HDAC9: variants seen among roughly 807,000 people sequenced by gnomAD.
The protein encoded by HDAC9 is MEF-2 interacting transcription repressor (MITR) protein.
HDAC9 carries 41 observed loss-of-function variants against 139.4 expected under a neutral mutation model. That is an observed-to-expected ratio of 0.29 (90% CI 0.23 to 0.38). HDAC9 has a LOEUF of 0.38. HDAC9 is among the 10% of genes least tolerant of loss of function. The probability of loss-of-function intolerance (pLI) is 1.00; values close to 1 mark genes in which losing one functional copy is unlikely to be tolerated. For missense variants in HDAC9, 1,147 were observed against 1,297.0 expected, an observed-to-expected ratio of 0.88 and a Z score of 1.78; for synonymous variants, 517 against 476.2, an observed-to-expected ratio of 1.09 and a Z score of -1.12.
At chr7:18,152,801 A>C (rs1162405428) in intron 1 of HDAC9, among the ~76,000 whole-genome samples, 1 of 152,232 alleles carries the variant, frequency 6.6e-6, no homozygotes, top group East Asian at 1.9e-4. Flanking sequence ...TCTTAACTTG[A>C]ATATAAAGTT....
chr7:18,736,189 A>T (rs1786877412), intron 13 of HDAC9, among the ~76,000 whole-genome samples: 2 of 152,116 alleles, frequency 1.3e-5, no homozygotes, highest in African/African-American at 4.8e-5. Flanking sequence ...AACAGGGACA[A>T]TTTCACTTCC....
chr7:18,424,959 G>C (rs917800165), intron 1 of HDAC9, among the ~76,000 whole-genome samples: 10 of 151,738 alleles, frequency 6.6e-5, no homozygotes, highest in Admixed American at 5.2e-4. Flanking sequence ...TGATTTCCTA[G>C]TTCAGAATAT....
chr7:18,383,249 C>A (rs1211120022), intron 1 of HDAC9, among the ~76,000 whole-genome samples: 1 of 152,174 alleles, frequency 6.6e-6, no homozygotes, highest in African/African-American at 2.4e-5. Context: ...AATCGATGTG[C>A]TCGTGCAGGG....
At chr7:18,915,813 T>G (rs1215205293) in intron 22 of HDAC9, among the ~76,000 whole-genome samples, 1 of 151,826 alleles carries the variant, frequency 6.6e-6, no homozygotes, top group Non-Finnish European at 1.5e-5. Context: ...AATCACTTTT[T>G]CTCTATTTAT....
chr7:18,751,331 G>A (rs1788428009), intron 14 of HDAC9, among the ~76,000 whole-genome samples: 1 of 151,954 alleles, frequency 6.6e-6, no homozygotes, highest in Non-Finnish European at 1.5e-5. Flanking sequence ...CACAAGCCCA[G>A]GTCAGCAGAT....
chr7:18,733,014 T>C (rs1210612317), intron 13 of HDAC9, among the ~76,000 whole-genome samples: 2 of 143,702 alleles, frequency 1.4e-5, no homozygotes, highest in African/African-American at 5.4e-5. Context: ...CACATGTGTA[T>C]GTGTGTATAT....
At chr7:18,831,177 C>A (rs1335414517) in intron 19 of HDAC9, among the ~76,000 whole-genome samples, 1 of 152,140 alleles carries the variant, frequency 6.6e-6, no homozygotes, top group Non-Finnish European at 1.5e-5. Flanking sequence ...TTCTCTGCTA[C>A]CATTTTAAGG....
intron 13 of HDAC9, among the ~76,000 whole-genome samples, chr7:18,739,433 C>T (rs1026975523): frequency 6.6e-6 from 1 of 152,212 alleles, no homozygotes; most frequent in South Asian, 2.1e-4. Flanking sequence ...TGGTGACCTA[C>T]AGATGGGGTT....
intron 16 of HDAC9, among the ~76,000 whole-genome samples, chr7:18,779,655 T>C (rs925981892): frequency 6.6e-6 from 1 of 152,038 alleles, no homozygotes; most frequent in Non-Finnish European, 1.5e-5. Flanking sequence ...GAAATAGGGC[T>C]AAGCAAGGCT....
At chr7:18,562,435 A>C (rs973256675) in intron 2 of HDAC9, among the ~76,000 whole-genome samples, 3 of 152,152 alleles carry the variant, frequency 2.0e-5, no homozygotes, top group African/African-American at 7.2e-5. Context: ...TTTAACTCTT[A>C]ACATTTTAAT....
chr7:18,922,392 G>A (rs1028875426), intron 22 of HDAC9, among the ~76,000 whole-genome samples: 1 of 151,932 alleles, frequency 6.6e-6, no homozygotes, highest in Non-Finnish European at 1.5e-5. Context: ...AAAAAATGTT[G>A]TGAGAGGATC....
chr7:18,091,549 T>C (rs1007132568), intron 1 of HDAC9, among the ~76,000 whole-genome samples: 1 of 152,226 alleles, frequency 6.6e-6, no homozygotes, highest in African/African-American at 2.4e-5. Context: ...AATATAAGCA[T>C]CAAATAAATT....
chr7:18,236,443 G>T (rs534118859), intron 2 of HDAC9, among the ~76,000 whole-genome samples: 54 of 152,340 alleles, frequency 3.5e-4, no homozygotes, highest in South Asian at 1.2e-3. Flanking sequence ...AAGTAACTGA[G>T]TAGTCACTAA....
intron 2 of HDAC9, among the ~76,000 whole-genome samples, chr7:18,564,059 G>A (rs934585381): frequency 1.3e-5 from 2 of 151,794 alleles, no homozygotes; most frequent in African/African-American, 4.8e-5. Context: ...ATGGTCTCGA[G>A]CTCCTGACCT....
At chr7:18,238,542 C>A (rs899786486) in intron 2 of HDAC9, among the ~76,000 whole-genome samples, 2 of 152,108 alleles carry the variant, frequency 1.3e-5, no homozygotes, top group Admixed American at 6.5e-5. Context: ...GAAAGATAGA[C>A]CCTCTATATA....
intron 1 of HDAC9, among the ~76,000 whole-genome samples, chr7:18,309,860 A>C (rs923972737): frequency 6.6e-6 from 1 of 152,250 alleles, no homozygotes; most frequent in Non-Finnish European, 1.5e-5. Flanking sequence ...ATAATAAAAA[A>C]TATTTAAATA....
intron 1 of HDAC9, among the ~76,000 whole-genome samples, chr7:18,104,054 A>G (rs1017577693): frequency 9.2e-5 from 14 of 152,112 alleles, no homozygotes; most frequent in African/African-American, 3.4e-4. Flanking sequence ...TTCACCTAAC[A>G]TGCACAGCTT....
At chr7:18,298,672 T>A (rs1466565770) in intron 1 of HDAC9, among the ~76,000 whole-genome samples, 2 of 152,226 alleles carry the variant, frequency 1.3e-5, no homozygotes, top group South Asian at 2.1e-4. Context: ...CAATGAACTT[T>A]CTTTGTTTAG....
chr7:18,235,758 C>A (rs1793771856), intron 2 of HDAC9, among the ~76,000 whole-genome samples: 1 of 152,056 alleles, frequency 6.6e-6, no homozygotes, highest in African/African-American at 2.4e-5. Flanking sequence ...AAATTGAGAG[C>A]AAGTAAATTT....
Sources: allele counts gnomAD v4.1 joint callset (sites outside exome capture counted in the v4.1 genomes callset), GRCh38; gene constraint gnomAD v4.1.1; transcripts MANE v1.5; gene names NCBI Gene and HGNC (gene_info 2026-07-23, HGNC 2026-07-21).